Variants in ERC2 observed in about 807,000 individuals in gnomAD.
The protein encoded by ERC2 is ELKS/RAB6-interacting/CAST family member 2, also known as ERC protein 2.
Under a neutral mutation model 114.8 loss-of-function variants are expected in ERC2, and 42 were observed. That is an observed-to-expected ratio of 0.37 (90% CI 0.29 to 0.47). ERC2 has a LOEUF of 0.47. ERC2 is among the 20% of genes least tolerant of loss of function. The probability of loss-of-function intolerance (pLI) is 0.99; values close to 1 mark genes in which losing one functional copy is unlikely to be tolerated. For synonymous variants in ERC2, 454 were observed against 425.5 expected (o/e 1.07, Z -0.82); for missense variants, 939 against 1,150.7 (o/e 0.82, Z 2.66).
At chr3:55,616,829 C>A (rs2059140876) in intron 17 of ERC2, among the ~76,000 whole-genome samples, 1 of 151,900 alleles carries the variant, frequency 6.6e-6, no homozygotes, top group Admixed American at 6.6e-5. Flanking sequence ...GACCCCCGAG[C>A]CCAGCAAATT....
intron 14 of ERC2, among the ~76,000 whole-genome samples, chr3:55,808,416 T>C (rs937196271): frequency 5.3e-5 from 8 of 151,962 alleles, no homozygotes; most frequent in African/African-American, 7.3e-5. Context: ...CTTTTTACAG[T>C]CACAAACCAT....
At chr3:56,106,869 T>C (rs1279668509) in intron 6 of ERC2, among the ~76,000 whole-genome samples, 1 of 152,202 alleles carries the variant, frequency 6.6e-6, no homozygotes, top group Non-Finnish European at 1.5e-5. Context: ...CTTTGGGATA[T>C]AGAAGTAAAG....
chr3:56,402,625 T>C (rs1198961668), intron 2 of ERC2, among the ~76,000 whole-genome samples: 2 of 152,330 alleles, frequency 1.3e-5, no homozygotes, highest in Non-Finnish European at 2.9e-5. Flanking sequence ...CCCACCACTG[T>C]GTATTAAGCT....
chr3:55,849,412 T>C (rs1212078902), intron 14 of ERC2, among the ~76,000 whole-genome samples: 1 of 152,250 alleles, frequency 6.6e-6, no homozygotes, highest in African/African-American at 2.4e-5. Flanking sequence ...GGACCTGTGG[T>C]TTCTCTAAGC....
intron 6 of ERC2, among the ~76,000 whole-genome samples, chr3:56,106,071 T>C (rs1489044629): frequency 1.3e-5 from 2 of 152,208 alleles, no homozygotes; most frequent in Non-Finnish European, 2.9e-5. Context: ...AAGAGAAGTT[T>C]TTAAAATTCC....
intron 3 of ERC2, among the ~76,000 whole-genome samples, chr3:56,219,033 T>A (rs2049712440): frequency 6.6e-6 from 1 of 152,122 alleles, no homozygotes; most frequent in Non-Finnish European, 1.5e-5. Context: ...ATATACCTAA[T>A]GTAAATGACG....
At position 56,258,150 on chromosome 3, in the gene ERC2, C is replaced by G. The variant is rs79779612; in HGVS notation, c.1074+37869G>C. 7.5e-3 allele frequency among the ~76,000 whole-genome samples: 1,145 copies of G among 152,290 alleles called. 5 individuals carry two copies. Among genetic ancestry groups the G allele is most frequent in the South Asian group, 0.02 (98 of 4,828 alleles). ...GCTGGGTCTCACCTCACAGCAGATC[C>G]TAGACTCTAGGACCCTGCAGTGCAC... On this transcript the variant is annotated intron_variant, in intron 3 of 17. Transcript: ENST00000288221.
chr3:55,870,065 T>C (rs2062508755), intron 14 of ERC2, among the ~76,000 whole-genome samples: 1 of 150,174 alleles, frequency 6.7e-6, no homozygotes, highest in Non-Finnish European at 1.5e-5. Context: ...TGTTATAGTA[T>C]AAAAAAGAGT....
At chr3:56,364,315 G>A (rs949512992) in intron 2 of ERC2, among the ~76,000 whole-genome samples, 4 of 152,118 alleles carry the variant, frequency 2.6e-5, no homozygotes, top group Admixed American at 6.5e-5. Flanking sequence ...AAATAGTGTC[G>A]AGCTGTCAAT....
At chr3:56,210,952 T>C (rs1301768024) in intron 3 of ERC2, among the ~76,000 whole-genome samples, 1 of 152,166 alleles carries the variant, frequency 6.6e-6, no homozygotes, top group Non-Finnish European at 1.5e-5. Flanking sequence ...ATAGGAGTGA[T>C]ATCACCACCA....
chr3:56,211,518 T>C (rs1440976672), intron 3 of ERC2, among the ~76,000 whole-genome samples: 1 of 151,968 alleles, frequency 6.6e-6, no homozygotes. Flanking sequence ...CATGATTAAT[T>C]CTACACAATA....
At chr3:56,200,134 C>T (rs1451170899) in intron 3 of ERC2, among the ~76,000 whole-genome samples, 3 of 152,064 alleles carry the variant, frequency 2.0e-5, no homozygotes, top group African/African-American at 7.2e-5. Context: ...AATATTTATA[C>T]ATCACCCAGC....
At chr3:56,028,286 T>C (rs1160572015) in intron 7 of ERC2, among the ~76,000 whole-genome samples, 2 of 152,124 alleles carry the variant, frequency 1.3e-5, no homozygotes, top group East Asian at 3.8e-4. Flanking sequence ...ATTCGGGGGG[T>C]TATGCCTTTT....
At chr3:55,779,410 A>G (rs1173199830) in intron 14 of ERC2, among the ~76,000 whole-genome samples, 1 of 149,818 alleles carries the variant, frequency 6.7e-6, no homozygotes, top group African/African-American at 2.5e-5. Flanking sequence ...CTGAGGCGGG[A>G]GAATCACTTA....
intron 3 of ERC2, among the ~76,000 whole-genome samples, chr3:56,266,015 T>A (rs2053267407): frequency 7.2e-6 from 1 of 139,180 alleles, no homozygotes; most frequent in Non-Finnish European, 1.5e-5. Context: ...GGTGACAGAG[T>A]GAGAATCCGA....
chr3:55,944,520 G>A (rs1041239349), intron 13 of ERC2, among the ~76,000 whole-genome samples: 2 of 152,182 alleles, frequency 1.3e-5, no homozygotes, highest in Non-Finnish European at 2.9e-5. Flanking sequence ...GGAAAAACAA[G>A]TCATACTTTA....
intron 17 of ERC2, among the ~76,000 whole-genome samples, chr3:55,617,275 T>C (rs558681819): frequency 6.6e-6 from 1 of 152,306 alleles, no homozygotes; most frequent in East Asian, 1.9e-4. Flanking sequence ...CAGGGGCAGC[T>C]AACAATTACA....
At chr3:55,662,114 G>T (rs75208894) in intron 17 of ERC2, among the ~76,000 whole-genome samples, 8,286 of 152,292 alleles carry the variant, frequency 0.054, 376 homozygotes, top group African/African-American at 0.13. Context: ...GACAGCGTGG[G>T]CTGGGAAACT....
At position 56,019,590 on chromosome 3, in the gene ERC2, T is replaced by A. The variant is rs151059272; in HGVS notation, c.1642-559A>T. Among the ~76,000 whole-genome samples, 19 of 152,314 alleles carry A rather than the reference T, an allele frequency of 1.2e-4. No homozygotes were observed. The East Asian group carries it at 3.1e-3, about 25-fold the overall frequency. ...CAAGTAGGTTATCACCAGCAGACTGTTAATGGGAAGAACTTGTGATATAAG... is the reference window on the plus strand; with the variant it reads ...CAAGTAGGTTATCACCAGCAGACTGATAATGGGAAGAACTTGTGATATAAG... On this transcript the variant is annotated intron_variant, in intron 7 of 17. Transcript: ENST00000288221.
Sources: allele counts gnomAD v4.1 joint callset (sites outside exome capture counted in the v4.1 genomes callset), GRCh38; gene constraint gnomAD v4.1.1; transcripts MANE v1.5; gene names NCBI Gene and HGNC (gene_info 2026-07-23, HGNC 2026-07-21).